MEG3: variants seen among roughly 807,000 people sequenced by gnomAD.
MEG3 encodes Very putative protein from MEG3 locus.
chr14:100,844,112 A>C (rs577719493), intron 2 of MEG3, among the ~76,000 whole-genome samples: 1 of 152,246 alleles, frequency 6.6e-6, no homozygotes, highest in African/African-American at 2.4e-5. Flanking sequence ...GATGACAGGC[A>C]TGAGCCACCC....
exon 1 of MEG3, chr14:100,859,345 C>G (rs571657795): frequency 1.1e-4 from 17 of 152,288 alleles, no homozygotes; most frequent in Admixed American, 9.8e-4. Flanking sequence ...GGTTTCCCCC[C>G]AGTGGAAACA....
Position 100,845,868 on chromosome 14 carries a change from T to G in MEG3, n.3121+335T>G, listed in dbSNP as rs2139983515. ...TTATTGAGTCTCCCTTTGGCTCTTGTGCCGCAGGGCAGACTAGGATGGAAG... is the reference window on the plus strand; with the variant it reads ...TTATTGAGTCTCCCTTTGGCTCTTGGGCCGCAGGGCAGACTAGGATGGAAG... On this transcript the variant is annotated intron_variant and non_coding_transcript_variant, in intron 3 of 3. Transcript: ENST00000398461. The surrounding 1 kb of genome is among the most constrained non-coding windows in gnomAD (Gnocchi z 5.2). 1 of 181,498 alleles carries G rather than the reference T, an allele frequency of 5.5e-6. No individual in the cohort carries two copies. Among genetic ancestry groups the G allele is most frequent in the East Asian group, 1.7e-4 (1 of 6,044 alleles). The allele number at this position is 181,498 out of a possible 1,614,324, so 11.2% of individuals were successfully genotyped here.
chr14:100,826,550 G>A (rs2037236991), intron 1 of MEG3, among the ~76,000 whole-genome samples: 1 of 152,162 alleles, frequency 6.6e-6, no homozygotes, highest in Non-Finnish European at 1.5e-5. Context: ...GTCACTGGGG[G>A]GCGAACCCCG....
chr14:100,855,291 C>G (rs1007190262), upstream of MEG3: 1 of 152,420 alleles, frequency 6.6e-6, no homozygotes, highest in East Asian at 1.9e-4. Flanking sequence ...GAAAGCAAAC[C>G]CTTTCATTTT....
At position 100,837,348 on chromosome 14, in the gene MEG3, G is replaced by T. The variant is rs779933960; in HGVS notation, n.3045+1048G>T. Among the ~76,000 whole-genome samples, 5 of 152,180 alleles carry T rather than the reference G, an allele frequency of 3.3e-5. No individual in the cohort carries two copies. The highest frequency in any genetic ancestry group is 5.9e-5 in the Non-Finnish European group (4 of 68,016). ...CCTGGGAGGCAGTGTCAGGATCCTG[G>T]CACCCCTCATATATGACGCCCCTGG... On this transcript the variant is annotated intron_variant and non_coding_transcript_variant, in intron 2 of 3. Coordinates refer to the MEG3 transcript ENST00000398461. This position sits in a 1 kb window ranked among gnomAD's most constrained non-coding sequence, Gnocchi z 5.8.
intron 3 of MEG3, chr14:100,849,301 C>G (rs2038002404): frequency 1.3e-5 from 2 of 151,994 alleles, no homozygotes; most frequent in South Asian, 4.2e-4. Context: ...CAAAAGACAG[C>G]CCCACACGGA....
chr14:100,850,223 T>C (rs192628567), intron 3 of MEG3: 33 of 152,294 alleles, frequency 2.2e-4, no homozygotes, highest in African/African-American at 7.0e-4. Flanking sequence ...GCAGTAGTGC[T>C]TTAGGGACCA....
chr14:100,841,888 C>G (rs975072981), intron 2 of MEG3, among the ~76,000 whole-genome samples: 3 of 152,184 alleles, frequency 2.0e-5, no homozygotes, highest in Admixed American at 6.5e-5. Flanking sequence ...TCACCTTGTG[C>G]CTTTTGGGTC....
At chr14:100,826,191 G>A (rs1374123131) in intron 1 of MEG3, 1 of 152,208 alleles carries the variant, frequency 6.6e-6, no homozygotes. Flanking sequence ...GGAGAGCTGG[G>A]GCGCCCACGA....
rs1372590664 is a variant in MEG3, at chr14:100,847,869, G to A, written n.3121+2336G>A. On this transcript the variant is annotated intron_variant and non_coding_transcript_variant, in intron 3 of 3. Transcript: ENST00000398461. ...AGAGTTAGGCTAGGACTTGTCATAA[G>A]GGCACCTGACTCCACTAATAGAGGA... 3 of 152,186 alleles carry A rather than the reference G, an allele frequency of 2.0e-5. No homozygotes were observed. In the East Asian group the frequency reaches 5.8e-4, roughly 29 times the overall value. The allele number at this position is 152,186 out of a possible 1,614,324, so 9.4% of individuals were successfully genotyped here.
chr14:100,850,448 A>G (rs1189340771), intron 3 of MEG3: 2 of 152,162 alleles, frequency 1.3e-5, no homozygotes, highest in Non-Finnish European at 2.9e-5. Context: ...AAAAAATACA[A>G]AAATTATGGG....
exon 1 of MEG3, chr14:100,834,928 C>T (rs1029786098): frequency 8.1e-5 from 33 of 406,052 alleles, no homozygotes; most frequent in Middle Eastern, 6.3e-4. Flanking sequence ...TTCACCCGCG[C>T]GGCCATCCCG....
intron 1 of MEG3, chr14:100,860,415 A>C: frequency 6.0e-6 from 2 of 334,346 alleles, no homozygotes; most frequent in Non-Finnish European, 1.2e-5. Flanking sequence ...TGCCAGTTGT[A>C]GGTGGGCGTC....
At chr14:100,832,412 T>C (rs1179163235), downstream of MEG3, 1 of 152,258 alleles carries the variant, frequency 6.6e-6, no homozygotes, top group African/African-American at 2.4e-5. Flanking sequence ...AGTATTTCAG[T>C]GAATGAATGG....
upstream of MEG3, chr14:100,855,126 C>T (rs562534752): frequency 6.6e-6 from 1 of 152,652 alleles, no homozygotes; most frequent in Non-Finnish European, 1.5e-5. Context: ...GCACTGAGCA[C>T]TGTTTGCCCG....
exon 1 of MEG3, chr14:100,858,105 T>C (rs1039243794): frequency 3.3e-5 from 5 of 152,246 alleles, no homozygotes; most frequent in African/African-American, 1.2e-4. Flanking sequence ...GACTTCCCAG[T>C]CTTGCACAAA....
At chr14:100,827,841 T>C (rs2037286082) in intron 1 of MEG3, among the ~76,000 whole-genome samples, 1 of 152,210 alleles carries the variant, frequency 6.6e-6, no homozygotes, top group Admixed American at 6.5e-5. Context: ...TTTCTGACTT[T>C]AGTGAACGTG....
chr14:100,834,589 T>C, exon 1 of MEG3: 1 of 424,580 alleles, frequency 2.4e-6, no homozygotes, highest in Non-Finnish European at 4.8e-6. Context: ...TTCTTCCTCG[T>C]CTTCCTCTCT....
intron 1 of MEG3, among the ~76,000 whole-genome samples, chr14:100,828,083 A>G (rs974569220): frequency 6.6e-5 from 10 of 152,018 alleles, no homozygotes; most frequent in African/African-American, 1.9e-4. Context: ...CAGGGGGCGT[A>G]GCGACCTGGC....
Sources: gnomAD v4.1 joint callset for allele counts (sites outside exome capture counted in the v4.1 genomes callset) on GRCh38, gnomAD v4.1.1 for gene constraint, Gnocchi (gnomAD v3.1) non-coding constraint, MANE v1.5 for transcripts, NCBI Gene and HGNC (gene_info 2026-07-23, HGNC 2026-07-21) for gene names.